Variants in MAGI2 observed in about 807,000 individuals in gnomAD.
MAGI2 encodes the protein membrane associated guanylate kinase, WW and PDZ domain containing 2.
Under a neutral mutation model 133.3 loss-of-function variants are expected in MAGI2, and 35 were observed. The observed-to-expected ratio is 0.26, with a 90% CI of 0.20 to 0.35. The LOEUF is 0.35. Ranked by LOEUF, MAGI2 falls within the 10% of genes least tolerant of loss-of-function variation. MAGI2 has a pLI of 1.00. For missense variants in MAGI2, 1,636 were observed against 1,863.4 expected (o/e 0.88, Z 2.25); for synonymous variants, 729 against 710.6 (o/e 1.03, Z -0.41).
intron 1 of MAGI2, among the ~76,000 whole-genome samples, chr7:79,249,402 G>GA (rs955151587): frequency 1.8e-4 from 26 of 146,284 alleles, no homozygotes; most frequent in African/African-American, 5.5e-4. Context: ...GACTAGCTAA[G>GA]AAAAAAAAAG....
intron 9 of MAGI2, among the ~76,000 whole-genome samples, chr7:78,339,554 G>A (rs1790136030): frequency 6.6e-6 from 1 of 152,208 alleles, no homozygotes; most frequent in Non-Finnish European, 1.5e-5. Flanking sequence ...ATTCTAAAAA[G>A]TAATGGATTT....
At chr7:79,000,219 T>G (rs1448553045) in intron 2 of MAGI2, 6 of 152,194 alleles carry the variant, frequency 3.9e-5, no homozygotes. Flanking sequence ...TTTGATCATT[T>G]TTAACTCAGG....
At chr7:79,031,122 C>A (rs948179500) in intron 1 of MAGI2, among the ~76,000 whole-genome samples, 1 of 152,190 alleles carries the variant, frequency 6.6e-6, no homozygotes, top group Non-Finnish European at 1.5e-5. Context: ...ATCCCTTACT[C>A]TTGTTATCAT....
chr7:78,458,294 C>CAAA (rs11380893), intron 6 of MAGI2, among the ~76,000 whole-genome samples: 16 of 113,086 alleles, frequency 1.4e-4, no homozygotes, highest in East Asian at 2.5e-4. Context: ...AACTCGGTCT[C>CAAA]AAAAAAAAAA....
intron 2 of MAGI2, among the ~76,000 whole-genome samples, chr7:78,967,063 G>A (rs1584526548): frequency 6.6e-6 from 1 of 151,766 alleles, no homozygotes; most frequent in Non-Finnish European, 1.5e-5. Context: ...TCAGCCTCCC[G>A]AGTAGCCAGG....
chr7:78,592,052 G>C (rs1804058179), intron 3 of MAGI2, among the ~76,000 whole-genome samples: 1 of 152,050 alleles, frequency 6.6e-6, no homozygotes, highest in Non-Finnish European at 1.5e-5. Context: ...ATATGAGGGA[G>C]GACAGGTGAC....
chr7:78,340,925 C>T (rs1790302714), intron 9 of MAGI2, among the ~76,000 whole-genome samples: 1 of 152,194 alleles, frequency 6.6e-6, no homozygotes, highest in Non-Finnish European at 1.5e-5. Flanking sequence ...CTCACCACTC[C>T]TATTCAACAT....
intron 2 of MAGI2, among the ~76,000 whole-genome samples, chr7:78,771,651 C>T (rs1825600648): frequency 6.6e-6 from 1 of 152,146 alleles, no homozygotes; most frequent in East Asian, 1.9e-4. Flanking sequence ...CTTTTCCTTT[C>T]AAGGGTCAAA....
At chr7:78,206,128 C>G (rs1829704859) in intron 10 of MAGI2, among the ~76,000 whole-genome samples, 1 of 152,082 alleles carries the variant, frequency 6.6e-6, no homozygotes, top group African/African-American at 2.4e-5. Flanking sequence ...TGTGTGGTAA[C>G]AGTTTTATTA....
intron 2 of MAGI2, among the ~76,000 whole-genome samples, chr7:78,957,372 A>C (rs577647641): frequency 2.6e-4 from 39 of 151,968 alleles, no homozygotes; most frequent in African/African-American, 8.7e-4. Context: ...CATGTTTTCT[A>C]AAATGTTTTT....
chr7:79,296,285 A>G (rs1048123075), intron 1 of MAGI2, among the ~76,000 whole-genome samples: 2 of 152,190 alleles, frequency 1.3e-5, no homozygotes, highest in Non-Finnish European at 2.9e-5. Flanking sequence ...CCCTTTTCAT[A>G]TAATTTGAAG....
chr7:79,424,039 C>T (rs953802567), intron 1 of MAGI2, among the ~76,000 whole-genome samples: 19 of 151,990 alleles, frequency 1.3e-4, no homozygotes, highest in Non-Finnish European at 2.5e-4. Context: ...ACTGCCTTTC[C>T]TCAAGGCTTA....
chr7:78,630,012 A>G (rs1250096814), intron 2 of MAGI2, among the ~76,000 whole-genome samples: 3 of 151,986 alleles, frequency 2.0e-5, no homozygotes, highest in Non-Finnish European at 2.9e-5. Context: ...AAAGTTGCAT[A>G]TACAGATATT....
intron 3 of MAGI2, among the ~76,000 whole-genome samples, chr7:78,544,517 T>G (rs1049048259): frequency 6.6e-6 from 1 of 152,228 alleles, no homozygotes; most frequent in African/African-American, 2.4e-5. Context: ...TCTATGTTTA[T>G]GTTTAAATAA....
Position 79,023,486 on chromosome 7 carries a change from G to T in MAGI2, c.302-16280C>A, listed in dbSNP as rs559932400. On this transcript the variant is annotated intron_variant, in intron 1 of 21. Transcript: ENST00000354212. The stretch of plus-strand genomic sequence containing the variant: ...CATAGTGCCGAAAATCCTAGCCAGA[G>T]AAATCTGGCAAGAGAAAGAAATAAA... Among the ~76,000 whole-genome samples the T allele has an allele frequency of 1.6e-4, 25 of 152,232 alleles. No individual in the cohort carries two copies. The South Asian group carries it at 4.4e-3, about 26-fold the overall frequency.
intron 21 of MAGI2, among the ~76,000 whole-genome samples, chr7:78,056,254 T>G (rs2151121215): frequency 6.6e-6 from 1 of 152,322 alleles, no homozygotes; most frequent in Non-Finnish European, 1.5e-5. Context: ...CAGGATTTCC[T>G]TCTTTTTTAA....
chr7:79,237,613 G>T (rs1487406389), intron 1 of MAGI2, among the ~76,000 whole-genome samples: 1 of 151,962 alleles, frequency 6.6e-6, no homozygotes, highest in African/African-American at 2.4e-5. Flanking sequence ...CTGTCTCCCG[G>T]TCTCTCTCCA....
chr7:78,032,469 C>G (rs1937842069), intron 21 of MAGI2, among the ~76,000 whole-genome samples: 1 of 152,122 alleles, frequency 6.6e-6, no homozygotes, highest in Admixed American at 6.5e-5. Flanking sequence ...CCTTCCTTGG[C>G]CTCCCAAAGT....
chr7:78,297,618 G>A (rs1197550222), intron 9 of MAGI2, among the ~76,000 whole-genome samples: 1 of 151,310 alleles, frequency 6.6e-6, no homozygotes, highest in African/African-American at 2.4e-5. Context: ...AGAAAATGTG[G>A]CACATATGCA....
Sources: gnomAD v4.1 joint callset for allele counts (sites outside exome capture counted in the v4.1 genomes callset) on GRCh38, gnomAD v4.1.1 for gene constraint, MANE v1.5 for transcripts, NCBI Gene and HGNC (gene_info 2026-07-23, HGNC 2026-07-21) for gene names.